The following ITGAM variants were observed in gnomAD, a reference collection of about 807,000 sequenced individuals.
The protein encoded by ITGAM is integrin subunit alpha M, also known as integrin alpha-M.
ITGAM carries 79 observed loss-of-function variants against 137.5 expected under a neutral mutation model. That is an observed-to-expected ratio of 0.57 (90% CI 0.48 to 0.69). ITGAM has a LOEUF of 0.69. Among genes scored for constraint, ITGAM ranks in the 30% least tolerant of loss-of-function variants. The pLI, the probability that ITGAM is intolerant of heterozygous loss-of-function variation, is 0.00. For synonymous variants in ITGAM, 583 were observed against 592.3 expected (o/e 0.98, Z 0.23); for missense variants, 1,343 against 1,483.5 (o/e 0.91, Z 1.56).
chr16:31,289,186 A>G (rs990592101), intron 12 of ITGAM, among the ~76,000 whole-genome samples: 19 of 152,220 alleles, frequency 1.2e-4, no homozygotes, highest in African/African-American at 4.1e-4. Context: ...CCATTGTGGA[A>G]GACAGTGTGG....
intron 23 of ITGAM, 155 bp from the exon 24 acceptor site, chr16:31,329,073 T>TTCCCCCCCCCCCCC: frequency 2.3e-6 from 1 of 426,232 alleles, no homozygotes; most frequent in South Asian, 2.1e-5. Flanking sequence ...ACACATTGGT[T>TTCCCCCCCCCCCCC]CCCCCATCCC....
intron 2 of ITGAM, among the ~76,000 whole-genome samples, chr16:31,263,531 CAA>C (rs2079728773): frequency 6.6e-6 from 1 of 152,098 alleles, no homozygotes; most frequent in Non-Finnish European, 1.5e-5. Context: ...AGTGTGCTAT[CAA>C]ACTTACTGAT....
Position 31,278,021 on chromosome 16 carries a change from C to A in ITGAM, c.1268C>A (p.Ala423Glu). ...CGGGTGCAAAGCCTGGTTCTGGGGG[C>A]ACCTCGATATCAGCACATCGGCCTG... is the stretch of plus-strand genomic sequence containing the variant. ...RNRVQSLVLGAPRYQHIGLVA... is the reference protein window; with the variant it reads ...RNRVQSLVLGEPRYQHIGLVA... The change falls in exon 12 of 30, where the codon GCA (alanine) becomes GAA (glutamate). Residue 423 changes from alanine to glutamate, a missense_variant. Physicochemically the swap from Ala to Glu is moderately radical, Grantham distance 107. Coordinates refer to ENST00000544665, the MANE Select transcript of ITGAM (RefSeq NM_000632.4). 6.2e-7 allele frequency: 1 copy of A among 1,605,908 alleles called. No homozygotes were observed. The highest frequency in any genetic ancestry group is 8.5e-7 in the Non-Finnish European group (1 of 1,176,324).
chr16:31,309,689 G>A (rs2080302924), intron 14 of ITGAM, among the ~76,000 whole-genome samples: 1 of 152,106 alleles, frequency 6.6e-6, no homozygotes, highest in African/African-American at 2.4e-5. Context: ...ATTAGATCCT[G>A]TCATTATGAT....
At chr16:31,277,867 C>A in intron 11 of ITGAM, 100 bp from the exon 12 acceptor site, 1 of 1,235,556 alleles carries the variant, frequency 8.1e-7, no homozygotes, top group Non-Finnish European at 1.1e-6. Flanking sequence ...CCCAACACAG[C>A]AAGCGTGGGG....
At position 31,297,955 on chromosome 16, in the gene ITGAM, G is replaced by C; in HGVS notation, c.1707+1G>C. 1 of 1,611,666 alleles carries C rather than the reference G, an allele frequency of 6.2e-7. No homozygotes were observed. Among genetic ancestry groups the C allele is most frequent in the Non-Finnish European group, 8.5e-7 (1 of 1,177,902 alleles). ...TGGCATCAGCCCCTCCCATAGCCAG[G>C]TGAGACCTGGTCACTGTCCTTGTCA... On this transcript the variant is annotated splice_donor_variant, in intron 14 of 29. Transcript: ENST00000544665. LOFTEE classifies it high-confidence loss of function.
At chr16:31,329,073 T>TTCCCCCTCCCCCCCCCCCCC in intron 23 of ITGAM, 155 bp from the exon 24 acceptor site, 3 of 426,234 alleles carry the variant, frequency 7.0e-6, no homozygotes, top group South Asian at 2.1e-5. Flanking sequence ...ACACATTGGT[T>TTCCCCCTCCCCCCCCCCCCC]CCCCCATCCC....
At chr16:31,325,146 G>A (rs2144493443) in intron 19 of ITGAM, 115 bp downstream of exon 19, 1 of 1,468,784 alleles carries the variant, frequency 6.8e-7, no homozygotes, top group South Asian at 1.3e-5. Flanking sequence ...GGTCCGGTGT[G>A]GCTGCCCCTC....
Position 31,324,685 on chromosome 16 carries a change from T to C in ITGAM, c.2192T>C (p.Leu731Pro). The change falls in exon 18 of 30, where the codon CTG becomes CCG. Residue 731 changes from leucine (L) to proline (P), a missense_variant. Physicochemically the swap from Leu to Pro is moderately conservative, Grantham distance 98. Transcript: ENST00000544665. This position sits in a 1 kb window ranked among gnomAD's most constrained non-coding sequence, Gnocchi z 4.5. The stretch of plus-strand genomic sequence containing the variant: ...GAGGACCCAGTGAGCCCCATTGTGC[T>C]GCGCCTGAACTTCTCTCTGGTGGGA... ...CIEDPVSPIV[L>P]RLNFSLVGTP... The C allele has an allele frequency of 6.2e-7, 1 of 1,603,050 alleles. No homozygotes were observed.
intron 3 of ITGAM, 126 bp from the exon 4 acceptor site, chr16:31,265,685 A>T (rs2079757930): frequency 2.3e-6 from 2 of 857,450 alleles, no homozygotes; most frequent in Non-Finnish European, 3.6e-6. Context: ...TTCTTTCCCA[A>T]GATTTAGGAT....
chr16:31,328,289 T>G lies in ITGAM; in HGVS notation c.2792+59T>G. The G allele has an allele frequency of 4.0e-6, 5 of 1,242,076 alleles. No homozygotes were observed. The South Asian group carries it at 6.0e-5, about 15-fold the overall frequency. The allele number at this position is 1,242,076 out of a possible 1,614,324, so 76.9% of individuals were successfully genotyped here. On this transcript the variant is annotated intron_variant, in intron 23 of 29. Coordinates refer to ENST00000544665, the MANE Select transcript of ITGAM (RefSeq NM_000632.4). ...CTTCTGGGCTGGACATGGCTGATTG[T>G]GCATCTGTGTGCATGAGTCTGTGCA...
intron 2 of ITGAM, among the ~76,000 whole-genome samples, chr16:31,263,359 A>G (rs2079726614): frequency 6.6e-6 from 1 of 152,218 alleles, no homozygotes; most frequent in Non-Finnish European, 1.5e-5. Context: ...TTTGGAAGTA[A>G]AGGCTAGGAC....
chr16:31,331,608 G>A lies in ITGAM; in HGVS notation c.3388-28G>A, dbSNP rs761539217. The A allele has an allele frequency of 4.4e-6, 7 of 1,580,760 alleles. No homozygotes were observed. The South Asian group carries it at 8.0e-5, about 18-fold the overall frequency. On this transcript the variant is annotated intron_variant, in intron 29 of 29. Coordinates refer to ENST00000544665, the MANE Select transcript of ITGAM (RefSeq NM_000632.4). ...AGCCGCACGCTCCCTGGCTGCTGTC[G>A]CTCTCACTGCCCTCCTCTGCCCCGC...
chr16:31,295,685 T>A (rs890824166), intron 12 of ITGAM, among the ~76,000 whole-genome samples: 1 of 151,618 alleles, frequency 6.6e-6, no homozygotes, highest in Non-Finnish European at 1.5e-5. Flanking sequence ...TTTCCTTTTT[T>A]ATATCTGATT....
intron 2 of ITGAM, 36 bp from the exon 3 acceptor site, chr16:31,265,359 T>A: frequency 7.9e-7 from 1 of 1,262,170 alleles, no homozygotes; most frequent in Non-Finnish European, 1.1e-6. Flanking sequence ...TCTCCCCACA[T>A]GTCGAAGTTT....
At chr16:31,326,707 G>A (rs182961442) in intron 21 of ITGAM, 149 bp from the exon 22 acceptor site, 184 of 632,160 alleles carry the variant, frequency 2.9e-4, no homozygotes, top group African/African-American at 2.9e-3. Flanking sequence ...GTGAGCCACC[G>A]CACCTGGCCT....
At chr16:31,283,450 C>G (rs1227815616) in intron 12 of ITGAM, among the ~76,000 whole-genome samples, 1 of 152,146 alleles carries the variant, frequency 6.6e-6, no homozygotes, top group Non-Finnish European at 1.5e-5. Context: ...AACTTCTCTT[C>G]TTGCCTCATT....
chr16:31,264,166 G>A (rs1400211914), intron 2 of ITGAM, among the ~76,000 whole-genome samples: 2 of 151,992 alleles, frequency 1.3e-5, no homozygotes, highest in African/African-American at 4.8e-5. Flanking sequence ...CTGTGTGGAG[G>A]CTGGGTGCAG....
At chr16:31,331,514 C>A in intron 29 of ITGAM, 122 bp from the exon 30 acceptor site, 4 of 610,588 alleles carry the variant, frequency 6.6e-6, no homozygotes, top group South Asian at 1.9e-5. Flanking sequence ...TGTCACTCCC[C>A]TCCCGCCCCG....
Sources: allele counts gnomAD v4.1 joint callset (sites outside exome capture counted in the v4.1 genomes callset), GRCh38; gene constraint gnomAD v4.1.1; non-coding constraint Gnocchi (gnomAD v3.1); transcripts MANE v1.5; gene names NCBI Gene and HGNC (gene_info 2026-07-23, HGNC 2026-07-21).